The following LSAMP variants were observed in gnomAD, a reference collection of about 807,000 sequenced individuals.
LSAMP encodes limbic system-associated membrane protein.
In LSAMP, 7 loss-of-function variants were observed where a neutral mutation model predicts 38.6. The observed-to-expected ratio is 0.18, with a 90% CI of 0.10 to 0.34. The LOEUF (loss-of-function observed/expected upper bound fraction) is 0.34. Ranked by LOEUF, LSAMP falls within the 10% of genes least tolerant of loss-of-function variation. LSAMP has a pLI of 1.00. For missense variants in LSAMP, 313 were observed against 420.0 expected, an observed-to-expected ratio of 0.75 and a Z score of 2.23; for synonymous variants, 154 against 166.8, an observed-to-expected ratio of 0.92 and a Z score of 0.59.
chr3:116,016,535 G>C (rs1406850773), intron 3 of LSAMP, among the ~76,000 whole-genome samples: 1 of 152,310 alleles, frequency 6.6e-6, no homozygotes, highest in East Asian at 1.9e-4. Flanking sequence ...GATGAGTGCA[G>C]CAAATCCTTG....
chr3:115,860,438 A>C (rs1026463073), intron 3 of LSAMP, among the ~76,000 whole-genome samples: 2 of 152,170 alleles, frequency 1.3e-5, no homozygotes, highest in East Asian at 1.9e-4. Flanking sequence ...AATCTGCTTT[A>C]TTTCTTTCTT....
chr3:115,811,284 A>AG (rs879298013), intron 6 of LSAMP, among the ~76,000 whole-genome samples: 2 of 152,118 alleles, frequency 1.3e-5, no homozygotes, highest in Non-Finnish European at 2.9e-5. Context: ...AGGAAGCTGG[A>AG]GAAGGGGCTT....
At chr3:115,863,670 T>C (rs1935776978) in intron 3 of LSAMP, among the ~76,000 whole-genome samples, 1 of 151,924 alleles carries the variant, frequency 6.6e-6, no homozygotes, top group Non-Finnish European at 1.5e-5. Context: ...AGTGTGCGGT[T>C]AGGGAACTTC....
At chr3:116,314,027 T>G (rs1443934585) in intron 1 of LSAMP, among the ~76,000 whole-genome samples, 1 of 152,210 alleles carries the variant, frequency 6.6e-6, no homozygotes, top group Non-Finnish European at 1.5e-5. Context: ...AACATAATTC[T>G]CACAATAATA....
intron 1 of LSAMP, among the ~76,000 whole-genome samples, chr3:116,391,585 C>CGG (rs139201367): frequency 0.028 from 4,263 of 151,426 alleles, 84 homozygotes; most frequent in South Asian, 0.077. Flanking sequence ...GGAAGCAGGG[C>CGG]GCGGGGGTGG....
chr3:116,228,480 A>G (rs1033266979), intron 1 of LSAMP, among the ~76,000 whole-genome samples: 1 of 152,028 alleles, frequency 6.6e-6, no homozygotes, highest in African/African-American at 2.4e-5. Flanking sequence ...ATTTCCTCAT[A>G]TGTAAAATGA....
intron 1 of LSAMP, among the ~76,000 whole-genome samples, chr3:116,415,204 T>C (rs1340587031): frequency 7.7e-6 from 1 of 130,702 alleles, no homozygotes; most frequent in African/African-American, 3.0e-5. Context: ...TCCAAATTTG[T>C]TTTTATTTTA....
intron 1 of LSAMP, among the ~76,000 whole-genome samples, chr3:116,262,783 A>T (rs1393425910): frequency 1.3e-5 from 2 of 152,190 alleles, no homozygotes; most frequent in African/African-American, 2.4e-5. Context: ...GGACAGACAG[A>T]AGGAGGGAAA....
chr3:116,416,889 C>T (rs181985608), intron 1 of LSAMP, among the ~76,000 whole-genome samples: 125 of 151,266 alleles, frequency 8.3e-4, no homozygotes, highest in African/African-American at 2.7e-3. Context: ...GAATAAAAGA[C>T]GAGAGAAGGA....
chr3:116,441,166 A>T (rs2049429419), intron 1 of LSAMP, among the ~76,000 whole-genome samples: 1 of 152,226 alleles, frequency 6.6e-6, no homozygotes, highest in South Asian at 2.1e-4. Flanking sequence ...CTTGTTAGGT[A>T]CGCTAACATT....
chr3:115,953,210 G>A (rs62268837), intron 3 of LSAMP, among the ~76,000 whole-genome samples: 5,137 of 152,012 alleles, frequency 0.034, 188 homozygotes, highest in Non-Finnish European at 0.045. Flanking sequence ...ACCTATTTTT[G>A]AATTTTATTT....
chr3:116,127,450 C>A (rs764554688), intron 1 of LSAMP, among the ~76,000 whole-genome samples: 29 of 152,076 alleles, frequency 1.9e-4, no homozygotes, highest in Non-Finnish European at 2.4e-4. Flanking sequence ...GCAAGAATAC[C>A]CAACAGGTGA....
At chr3:115,888,671 C>A (rs966373161) in intron 3 of LSAMP, among the ~76,000 whole-genome samples, 1 of 151,926 alleles carries the variant, frequency 6.6e-6, no homozygotes, top group South Asian at 2.1e-4. Context: ...TCTTGAAGCT[C>A]ATAACCCTTC....
rs78582746 is a variant in LSAMP at position 115,810,561 on chromosome 3, G to A, written c.920-147C>T. The A allele has an allele frequency of 1.5e-3, 1,016 of 671,312 alleles. 8 individuals are homozygous for A. In the African/African-American group the frequency reaches 0.015, roughly 10 times the overall value. 41.6% of individuals were successfully genotyped at this position (671,312 alleles called of 1,614,324 possible). A position where few individuals can be genotyped will look rare whatever the true frequency, so the allele number is the denominator to read the frequency against. Reference sequence around the variant, plus strand: ...TGCACTTATGTGCAGCCCAAGAAGCGCTCAAAACTTTTCTAAATCCTTCTC... The same window carrying A: ...TGCACTTATGTGCAGCCCAAGAAGCACTCAAAACTTTTCTAAATCCTTCTC... On this transcript the variant is annotated intron_variant, in intron 6 of 6. Coordinates refer to ENST00000490035, the MANE Select transcript of LSAMP (RefSeq NM_002338.5).
intron 1 of LSAMP, among the ~76,000 whole-genome samples, chr3:116,401,474 G>T (rs924803609): frequency 6.6e-6 from 1 of 152,130 alleles, no homozygotes; most frequent in Admixed American, 6.5e-5. Flanking sequence ...TAGAGACAGG[G>T]TTTCACCATG....
chr3:115,861,996 A>C (rs188190076), intron 3 of LSAMP, among the ~76,000 whole-genome samples: 1 of 152,322 alleles, frequency 6.6e-6, no homozygotes, highest in African/African-American at 2.4e-5. Flanking sequence ...AGGATTGAAA[A>C]AGCCCCATAT....
intron 1 of LSAMP, among the ~76,000 whole-genome samples, chr3:116,133,867 C>T (rs1279313737): frequency 3.3e-5 from 5 of 152,122 alleles, no homozygotes; most frequent in Non-Finnish European, 7.3e-5. Context: ...AGTTCTCCTT[C>T]CCAATTGGTG....
At chr3:116,004,829 T>C (rs532258651) in intron 3 of LSAMP, among the ~76,000 whole-genome samples, 24 of 152,224 alleles carry the variant, frequency 1.6e-4, no homozygotes, top group African/African-American at 5.8e-4. Flanking sequence ...CTGGACCCAA[T>C]TCAAGATTTA....
At chr3:116,170,913 C>T (rs1044418636) in intron 1 of LSAMP, among the ~76,000 whole-genome samples, 2 of 151,842 alleles carry the variant, frequency 1.3e-5, no homozygotes, top group African/African-American at 4.8e-5. Context: ...TCTCTATGTT[C>T]GTTCAATCCT....
Sources: allele counts gnomAD v4.1 joint callset (sites outside exome capture counted in the v4.1 genomes callset), GRCh38; gene constraint gnomAD v4.1.1; transcripts MANE v1.5; gene names NCBI Gene and HGNC (gene_info 2026-07-23, HGNC 2026-07-21).